The following NCKAP5 variants were observed in gnomAD, a reference collection of about 807,000 sequenced individuals.
The protein encoded by NCKAP5 is NCK associated protein 5.
NCKAP5 carries 92 observed loss-of-function variants against 167.0 expected under a neutral mutation model. The ratio of observed to expected loss-of-function variants is 0.55; its 90% CI spans 0.47 to 0.66. The LOEUF is 0.66. Among genes scored for constraint, NCKAP5 ranks in the 30% least tolerant of loss-of-function variants. The pLI, the probability that NCKAP5 is intolerant of heterozygous loss-of-function variation, is 0.00. For missense variants in NCKAP5, 2,378 were observed against 2,315.0 expected (o/e 1.03, Z -0.56); for synonymous variants, 891 against 877.4 (o/e 1.02, Z -0.27).
At chr2:132,738,043 C>T (rs574809275) in intron 16 of NCKAP5, among the ~76,000 whole-genome samples, 91 of 152,284 alleles carry the variant, frequency 6.0e-4, no homozygotes, top group African/African-American at 2.0e-3. Flanking sequence ...TGGTCTTCCT[C>T]ATCGTTAATG....
rs1484094092 is a variant in NCKAP5 at position 132,950,634 on chromosome 2, C to A, written c.579+13086G>T. Among the ~76,000 whole-genome samples the A allele has an allele frequency of 2.0e-5, 3 of 152,154 alleles. No homozygotes were observed. The East Asian group carries it at 5.8e-4, about 29-fold the overall frequency. ...GTCTTTCTCTCATAAAACTAGACTG[C>A]AGGGAGATTTTTTGGTGATTTGGAT... is the stretch of plus-strand genomic sequence containing the variant. On this transcript the variant is annotated intron_variant, in intron 8 of 19. Transcript: ENST00000409261.
chr2:133,220,543 G>A (rs1012537427), intron 4 of NCKAP5, among the ~76,000 whole-genome samples: 4 of 152,230 alleles, frequency 2.6e-5, no homozygotes, highest in East Asian at 1.9e-4. Flanking sequence ...ACATTTTATA[G>A]GTTTTATATA....
At chr2:132,707,573 C>CAAT (rs1376854343) in intron 19 of NCKAP5, among the ~76,000 whole-genome samples, 1 of 152,174 alleles carries the variant, frequency 6.6e-6, no homozygotes, top group East Asian at 1.9e-4. Flanking sequence ...ACCCCAGGAC[C>CAAT]AATGCCTTTC....
At chr2:133,644,348 T>C in the NCKAP5 span, among the ~76,000 whole-genome samples, 3 of 152,184 alleles carry the variant, frequency 2.0e-5, no homozygotes, top group African/African-American at 7.2e-5. Context: ...CTTCAAGTTC[T>C]CCAACTTACT....
chr2:133,005,888 C>T (rs2149346114), intron 6 of NCKAP5, among the ~76,000 whole-genome samples: 1 of 152,194 alleles, frequency 6.6e-6, no homozygotes, highest in Non-Finnish European at 1.5e-5. Flanking sequence ...CCTCTTTTCC[C>T]CCATTTGATA....
intron 11 of NCKAP5, among the ~76,000 whole-genome samples, chr2:132,806,578 T>C (rs886499704): frequency 5.3e-5 from 8 of 152,166 alleles, no homozygotes; most frequent in Non-Finnish European, 1.5e-5. Context: ...CTTTTGAGAA[T>C]TGTCTATTCA....
chr2:133,116,684 A>G (rs968854462), intron 6 of NCKAP5, among the ~76,000 whole-genome samples: 5 of 152,150 alleles, frequency 3.3e-5, no homozygotes, highest in African/African-American at 1.2e-4. Context: ...ATTTTTGAGA[A>G]GCTTAACATA....
chr2:133,343,140 TAC>T (rs1683708599), intron 3 of NCKAP5, among the ~76,000 whole-genome samples: 1 of 152,204 alleles, frequency 6.6e-6, no homozygotes, highest in African/African-American at 2.4e-5. Context: ...CTGCATTTGT[TAC>T]AGTTTGCACA....
intron 3 of NCKAP5, among the ~76,000 whole-genome samples, chr2:133,511,355 G>C (rs1000719226): frequency 1.3e-5 from 2 of 151,720 alleles, no homozygotes; most frequent in Non-Finnish European, 2.9e-5. Flanking sequence ...TCTGCTCCCA[G>C]CTCCATCCAT....
intron 3 of NCKAP5, among the ~76,000 whole-genome samples, chr2:133,444,182 G>A (rs937825204): frequency 1.3e-5 from 2 of 152,148 alleles, no homozygotes; most frequent in Non-Finnish European, 2.9e-5. Context: ...TGAGAAAAGA[G>A]AAAGCCCAAA....
chr2:133,438,225 G>C (rs1397677893), intron 3 of NCKAP5, among the ~76,000 whole-genome samples: 1 of 152,216 alleles, frequency 6.6e-6, no homozygotes, highest in Admixed American at 6.5e-5. Flanking sequence ...GCTTCTGGCA[G>C]CATGGCATAC....
chr2:132,785,143 C>A lies in NCKAP5; in HGVS notation c.1668G>T (p.Thr556=). 6.2e-7 allele frequency: 1 copy of A among 1,610,078 alleles called. No homozygotes were observed. The highest frequency in any genetic ancestry group is 1.7e-5 in the Admixed American group (1 of 59,078). ...LEMKLCPSVQ[T]PQVQRERGPQ... The stretch of plus-strand genomic sequence containing the variant: ...GGCCCCTCTCCCTCTGTACCTGAGG[C>A]GTCTGCACACTTGGGCACAGCTTCA... The change falls in exon 14 of 20, where the codon ACG becomes ACT. Residue 556 remains threonine, a synonymous_variant. Coordinates refer to ENST00000409261, the MANE Select transcript of NCKAP5 (RefSeq NM_207363.3).
At chr2:133,539,625 GA>G (rs376871714) in intron 2 of NCKAP5, among the ~76,000 whole-genome samples, 45 of 151,936 alleles carry the variant, frequency 3.0e-4, no homozygotes, top group African/African-American at 1.1e-3. Flanking sequence ...TAAATCTACA[GA>G]AAAAAACTAC....
chr2:133,354,294 CT>C (rs561928273), intron 3 of NCKAP5, among the ~76,000 whole-genome samples: 109 of 133,306 alleles, frequency 8.2e-4, no homozygotes, highest in African/African-American at 1.3e-3. Context: ...TCTCTCTTTC[CT>C]TTTTTTTTTT....
At chr2:133,225,600 C>CAAAATGGTGG (rs1343736496) in intron 4 of NCKAP5, among the ~76,000 whole-genome samples, 2 of 151,940 alleles carry the variant, frequency 1.3e-5, no homozygotes, top group East Asian at 3.9e-4. Flanking sequence ...TTCAGCTCAA[C>CAAAATGGTGG]AAAATGGTGG....
At chr2:133,455,518 T>A (rs568585347) in intron 3 of NCKAP5, among the ~76,000 whole-genome samples, 221 of 152,156 alleles carry the variant, frequency 1.5e-3, no homozygotes, top group Non-Finnish European at 2.9e-3. Context: ...ATATTTAGAA[T>A]GGTCTATAAG....
At chr2:132,685,473 G>A (rs1018185865) in intron 19 of NCKAP5, among the ~76,000 whole-genome samples, 3 of 152,162 alleles carry the variant, frequency 2.0e-5, no homozygotes, top group East Asian at 1.9e-4. Flanking sequence ...ACCCAGTAAC[G>A]TCGGAAATGA....
At chr2:133,414,338 T>G (rs950239100) in intron 3 of NCKAP5, among the ~76,000 whole-genome samples, 1 of 152,204 alleles carries the variant, frequency 6.6e-6, no homozygotes, top group Non-Finnish European at 1.5e-5. Context: ...CTTTTCGTTT[T>G]CTGAGGTTAA....
chr2:132,883,249 T>C lies in NCKAP5; in HGVS notation c.580-4333A>G, dbSNP rs373212896. Among the ~76,000 whole-genome samples, 3 of 142,726 alleles carry C rather than the reference T, an allele frequency of 2.1e-5. No individual in the cohort carries two copies. In the South Asian group the frequency reaches 6.8e-4, roughly 32 times the overall value. The allele number at this position is 142,726 out of a possible 152,430, so 93.6% of individuals were successfully genotyped here. ...ACACACACACACACGACACCCACCATGTCCTCTGACTCCCTCCTATTACAT... is the reference window on the plus strand; with the variant it reads ...ACACACACACACACGACACCCACCACGTCCTCTGACTCCCTCCTATTACAT... On this transcript the variant is annotated intron_variant, in intron 8 of 19. Coordinates refer to ENST00000409261, the MANE Select transcript of NCKAP5 (RefSeq NM_207363.3).
Sources: allele counts gnomAD v4.1 joint callset (sites outside exome capture counted in the v4.1 genomes callset), GRCh38; gene constraint gnomAD v4.1.1; transcripts MANE v1.5; gene names NCBI Gene and HGNC (gene_info 2026-07-23, HGNC 2026-07-21).